The following COL9A2 variants were observed in gnomAD, a reference collection of about 807,000 sequenced individuals.
COL9A2 encodes the protein collagen alpha-2(IX) chain.
In COL9A2, 66 loss-of-function variants were observed where a neutral mutation model predicts 111.6. The ratio of observed to expected loss-of-function variants is 0.59; its 90% confidence interval spans 0.48 to 0.73. The LOEUF is 0.73. COL9A2 is among the 30% of genes least tolerant of loss of function. COL9A2 has a pLI of 0.00. For synonymous variants in COL9A2, 353 were observed against 364.1 expected (o/e 0.97, Z 0.35); for missense variants, 881 against 954.1 (o/e 0.92, Z 1.01).
rs1644042003 is a variant in COL9A2 at position 40,307,125 on chromosome 1, A to G, written c.1008+321T>C. On this transcript the variant is annotated intron_variant, in intron 19 of 31. Transcript: ENST00000372748. The surrounding 1 kb of genome is among the most constrained non-coding windows in gnomAD (Gnocchi z 4.8). ...CTCCTGAAGTGCTGGGATTATAGGC[A>G]TGAGCCACTGCACCCGACCTCAATA... Among the ~76,000 whole-genome samples the G allele has an allele frequency of 6.6e-6, 1 of 152,158 alleles. No individual in the cohort carries two copies. The highest frequency in any genetic ancestry group is 6.5e-5 in the Admixed American group (1 of 15,274).
chr1:40,316,717 C>T lies in COL9A2; in HGVS notation c.75+406G>A, dbSNP rs1644225200. On this transcript the variant is annotated intron_variant, in intron 1 of 31. Coordinates refer to ENST00000372748, the MANE Select transcript of COL9A2 (RefSeq NM_001852.4). This position sits in a 1 kb window ranked among gnomAD's most constrained non-coding sequence, Gnocchi z 5.5. ...TGGGTAGGCGGGCAGGGCCGAGAGG[C>T]CGCCTCGGGGCGACAGCGGCGTCTG... 2.6e-6 allele frequency: 1 copy of T among 381,372 alleles called. No homozygotes were observed. The highest frequency in any genetic ancestry group is 5.0e-6 in the Non-Finnish European group (1 of 200,484). The allele number at this position is 381,372 out of a possible 1,614,324, so 23.6% of individuals were successfully genotyped here.
chr1:40,302,700 G>A lies in COL9A2; in HGVS notation c.1713C>T (p.Gly571=), dbSNP rs1643932905. Residue 571 remains glycine, a synonymous_variant, in exon 30 of 32, where the codon GGC becomes GGT. Coordinates refer to ENST00000372748, the MANE Select transcript of COL9A2 (RefSeq NM_001852.4). The surrounding 1 kb of genome is among the most constrained non-coding windows in gnomAD (Gnocchi z 4.5). ...CCCGAGGGCCAGGGTGCCCATGGGGGCCCTGCTTGCCTGGGTACCCAGGGG... is the reference window on the plus strand; with the variant it reads ...CCCGAGGGCCAGGGTGCCCATGGGGACCCTGCTTGCCTGGGTACCCAGGGG... ...PGPPGYPGKQ[G]PHGHPGPRGV... is the part of the protein sequence containing the mutation. 3.1e-6 allele frequency: 5 copies of A among 1,587,980 alleles called. No homozygotes were observed. In the East Asian group the frequency reaches 1.2e-4, roughly 37 times the overall value.
rs748366565 is a variant in COL9A2, at chr1:40,312,567, T to A, written c.339+7A>T. On this transcript the variant is annotated splice_region_variant and intron_variant, in intron 6 of 31. Transcript: ENST00000372748. The surrounding 1 kb of genome is among the most constrained non-coding windows in gnomAD (Gnocchi z 6.0). ...AGTCCCTCGAAGCCCTTGCAGGTTG[T>A]ACTCACCGGAAGGCCAGGAGGACCA... is the stretch of plus-strand genomic sequence containing the variant. 6.2e-7 allele frequency: 1 copy of A among 1,613,978 alleles called. No individual in the cohort carries two copies. Among genetic ancestry groups the A allele is most frequent in the Non-Finnish European group, 8.5e-7 (1 of 1,179,974 alleles).
At chr1:40,309,577 C>T (rs941486830) in intron 16 of COL9A2, among the ~76,000 whole-genome samples, 2 of 149,606 alleles carry the variant, frequency 1.3e-5, no homozygotes, top group African/African-American at 5.1e-5. Context: ...TGAATTTGGG[C>T]TGACTGGGCT....
At position 40,302,902 on chromosome 1, in the gene COL9A2, G is replaced by A; in HGVS notation, c.1604-93C>T. 2 of 1,344,400 alleles carry A rather than the reference G, an allele frequency of 1.5e-6. No homozygotes were observed. The highest frequency in any genetic ancestry group is 2.4e-4 in the Middle Eastern group (1 of 4,234). The allele number at this position is 1,344,400 out of a possible 1,614,324, so 83.3% of individuals were successfully genotyped here. ...AGGCAGAGCATTCCGATGGGCCCTGGCCCCTAGGTTTGCAGACAGAAAAGC... is the reference window on the plus strand; with the variant it reads ...AGGCAGAGCATTCCGATGGGCCCTGACCCCTAGGTTTGCAGACAGAAAAGC... On this transcript the variant is annotated intron_variant, in intron 29 of 31. Coordinates refer to ENST00000372748, the MANE Select transcript of COL9A2 (RefSeq NM_001852.4). The surrounding 1 kb of genome is among the most constrained non-coding windows in gnomAD (Gnocchi z 4.5).
In COL9A2 at chr1:40,317,207, C is replaced by T. The variant is rs1557808807; in HGVS notation, c.-10G>A. The T allele has an allele frequency of 2.4e-5, 37 of 1,565,998 alleles. No individual in the cohort carries two copies. The highest frequency in any genetic ancestry group is 2.7e-5 in the Non-Finnish European group (31 of 1,156,176). The stretch of plus-strand genomic sequence containing the variant: ...CCGTAGCGGCGGCCATGGCTGGCGG[C>T]GAGACCAAGGGGGACGGGTGCGTGT... On this transcript the variant is annotated 5_prime_UTR_variant, in exon 1 of 32. Transcript: ENST00000372748. This position sits in a 1 kb window ranked among gnomAD's most constrained non-coding sequence, Gnocchi z 4.3.
chr1:40,310,199 CT>C lies in COL9A2; in HGVS notation c.739-36del. On this transcript the variant is annotated intron_variant, in intron 14 of 31. Transcript: ENST00000372748. This position sits in a 1 kb window ranked among gnomAD's most constrained non-coding sequence, Gnocchi z 4.9. ...GGAAAGGGTTGCAGGTCAGTCCTGG[CT>C]GAACTCCAGGGGCCAGAAGGCAGCT... The C allele has an allele frequency of 1.9e-6, 3 of 1,613,916 alleles. No individual in the cohort carries two copies. Among genetic ancestry groups the C allele is most frequent in the Non-Finnish European group, 2.5e-6 (3 of 1,179,804 alleles).
Position 40,307,797 on chromosome 1 carries a change from G to A in COL9A2, c.901-41C>T. The A allele has an allele frequency of 1.9e-6, 3 of 1,606,860 alleles. No homozygotes were observed. The highest frequency in any genetic ancestry group is 2.6e-6 in the Non-Finnish European group (3 of 1,173,732). On this transcript the variant is annotated intron_variant, in intron 17 of 31. Transcript: ENST00000372748. This position sits in a 1 kb window ranked among gnomAD's most constrained non-coding sequence, Gnocchi z 4.8. ...GTTCAAGGGAGAGTGATAATGCGGA[G>A]ATGTCTGGGGTCTGGCCACCCACCC...
intron 21 of COL9A2, among the ~76,000 whole-genome samples, 198 bp downstream of exon 21, chr1:40,305,517 T>A (rs1351425580): frequency 6.6e-6 from 1 of 152,152 alleles, no homozygotes; most frequent in Non-Finnish European, 1.5e-5. Context: ...TCTAGGAAAG[T>A]CACACTCCAG....
In COL9A2 at chr1:40,307,207, T is replaced by C. The variant is rs1285469828; in HGVS notation, c.1008+239A>G. 6.6e-6 allele frequency among the ~76,000 whole-genome samples: 1 copy of C among 152,086 alleles called. No homozygotes were observed. The highest frequency in any genetic ancestry group is 2.1e-4 in the South Asian group (1 of 4,822). On this transcript the variant is annotated intron_variant, in intron 19 of 31. Transcript: ENST00000372748. The surrounding 1 kb of genome is among the most constrained non-coding windows in gnomAD (Gnocchi z 4.8). ...TTTTCCTGGAGGCGGTGGGGAGCCA[T>C]GGAAGGTGCTATAGTGCAGAAATGG...
chr1:40,308,827 G>A (rs900932998), intron 16 of COL9A2, among the ~76,000 whole-genome samples: 1 of 152,170 alleles, frequency 6.6e-6, no homozygotes, highest in Non-Finnish European at 1.5e-5. Context: ...GGAAGGAGGG[G>A]TCTGGGGGAT....
At position 40,314,115 on chromosome 1, in the gene COL9A2, T is replaced by A. The variant is rs1033352413; in HGVS notation, c.249+90A>T. The A allele has an allele frequency of 5.1e-6, 7 of 1,360,584 alleles. No homozygotes were observed. The East Asian group carries it at 1.1e-4, about 22-fold the overall frequency. 84.3% of individuals were successfully genotyped at this position (1,360,584 alleles called of 1,614,324 possible). A position where few individuals can be genotyped will look rare whatever the true frequency, so the allele number is the denominator to read the frequency against. On this transcript the variant is annotated intron_variant, in intron 4 of 31. Transcript: ENST00000372748. This position sits in a 1 kb window ranked among gnomAD's most constrained non-coding sequence, Gnocchi z 4.1. Reference sequence around the variant, plus strand: ...GAGAATCTCCATCCTGCTGCCCATCTCTGAACAGATCAGTGAAGATGCCAG... The same window carrying A: ...GAGAATCTCCATCCTGCTGCCCATCACTGAACAGATCAGTGAAGATGCCAG...
chr1:40,301,691 C>G, intron 31 of COL9A2, 121 bp downstream of exon 31: 1 of 957,650 alleles, frequency 1.0e-6, no homozygotes, highest in Non-Finnish European at 1.6e-6. Flanking sequence ...GGTGCAGAAG[C>G]TGGGTATCAA....
Position 40,302,825 on chromosome 1 carries a change from G to A in COL9A2, c.1604-16C>T. ...GCCAGTTGCTCTGGAGGGAGGGAGG[G>A]AGGGAGGGAGAGGGAAGTCTATGAG... is the stretch of plus-strand genomic sequence containing the variant. On this transcript the variant is annotated splice_polypyrimidine_tract_variant and intron_variant, in intron 29 of 31. Coordinates refer to ENST00000372748, the MANE Select transcript of COL9A2 (RefSeq NM_001852.4). The surrounding 1 kb of genome is among the most constrained non-coding windows in gnomAD (Gnocchi z 4.5). 1.7e-6 allele frequency: 2 copies of A among 1,206,736 alleles called. No homozygotes were observed. Among genetic ancestry groups the A allele is most frequent in the Non-Finnish European group, 1.2e-6 (1 of 859,180 alleles). 74.8% of individuals were successfully genotyped at this position (1,206,736 alleles called of 1,614,324 possible). A position where few individuals can be genotyped will look rare whatever the true frequency, so the allele number is the denominator to read the frequency against.
In COL9A2 at chr1:40,316,313, G is replaced by A. The variant is rs374151065; in HGVS notation, c.76-649C>T. Among the ~76,000 whole-genome samples the A allele has an allele frequency of 1.1e-3, 161 of 152,326 alleles. No homozygotes were observed. The highest frequency in any genetic ancestry group is 3.7e-3 in the African/African-American group (154 of 41,586). ...CTCCCTCTGCTAAGCCCTGACTGCT[G>A]CAGGGGAGCAGGAGGAGCCGGCACC... On this transcript the variant is annotated intron_variant, in intron 1 of 31. Transcript: ENST00000372748. The surrounding 1 kb of genome is among the most constrained non-coding windows in gnomAD (Gnocchi z 5.5).
In COL9A2 at chr1:40,311,138, C is replaced by G; in HGVS notation, c.585G>C (p.Ala195=). The G allele has an allele frequency of 1.2e-6, 2 of 1,614,204 alleles. No individual in the cohort carries two copies. Among genetic ancestry groups the G allele is most frequent in the Non-Finnish European group, 8.5e-7 (1 of 1,180,036 alleles). The change falls in exon 12 of 32, where the codon GCG becomes GCC. Residue 195 remains alanine, a synonymous_variant. Transcript: ENST00000372748. This position sits in a 1 kb window ranked among gnomAD's most constrained non-coding sequence, Gnocchi z 5.1. ...GATCACCCAGAATCCCGCGTTTGCC[C>G]GCATGCCCCTGAAGGGAAGGAGAGA... The part of the protein sequence containing the change: ...PPGLQGVKGH[A]GKRGILGDPG...
In COL9A2 at chr1:40,301,797, G is replaced by T; in HGVS notation, c.1870+15C>A. On this transcript the variant is annotated intron_variant, in intron 31 of 31. Coordinates refer to ENST00000372748, the MANE Select transcript of COL9A2 (RefSeq NM_001852.4). ...CTGAGGAACACACTGCAGCTGGGCA[G>T]GGCCAATGGCTTACCTGGGATCCCT... The T allele has an allele frequency of 6.2e-7, 1 of 1,613,280 alleles. No homozygotes were observed. The highest frequency in any genetic ancestry group is 8.5e-7 in the Non-Finnish European group (1 of 1,179,366).
chr1:40,307,355 GT>G lies in COL9A2; in HGVS notation c.1008+90del, dbSNP rs1644045066. ...AGAGTTGGTAACAAGGCAAGAGGTGGTGATTGAGCAAGAGCCCCGGGTGTGT... is the reference window on the plus strand; with the variant it reads ...AGAGTTGGTAACAAGGCAAGAGGTGGGATTGAGCAAGAGCCCCGGGTGTGT... On this transcript the variant is annotated intron_variant, in intron 19 of 31. Transcript: ENST00000372748. This position sits in a 1 kb window ranked among gnomAD's most constrained non-coding sequence, Gnocchi z 4.8. 8.1e-7 allele frequency: 1 copy of G among 1,241,392 alleles called. No homozygotes were observed. The highest frequency in any genetic ancestry group is 1.2e-6 in the Non-Finnish European group (1 of 860,686). The allele number at this position is 1,241,392 out of a possible 1,614,324, so 76.9% of individuals were successfully genotyped here.
At position 40,317,079 on chromosome 1, in the gene COL9A2, CCCCGCA is replaced by C; in HGVS notation, c.75+38_75+43del. On this transcript the variant is annotated intron_variant, in intron 1 of 31. Transcript: ENST00000372748. The surrounding 1 kb of genome is among the most constrained non-coding windows in gnomAD (Gnocchi z 4.3). Reference sequence around the variant, plus strand: ...GAGCTCCTCCATCCCGGACTCCAGACCCCGCACCCTGGACCCTGGCAGCGGAGGGGC... The same window carrying C: ...GAGCTCCTCCATCCCGGACTCCAGACCCCTGGACCCTGGCAGCGGAGGGGC... The C allele has an allele frequency of 7.8e-6, 12 of 1,537,660 alleles. No individual in the cohort carries two copies. The highest frequency in any genetic ancestry group is 1.1e-5 in the Non-Finnish European group (12 of 1,134,188).
Sources: gnomAD v4.1 joint callset for allele counts (sites outside exome capture counted in the v4.1 genomes callset) on GRCh38, gnomAD v4.1.1 for gene constraint, Gnocchi (gnomAD v3.1) non-coding constraint, MANE v1.5 for transcripts, NCBI Gene and HGNC (gene_info 2026-07-23, HGNC 2026-07-21) for gene names.